Variants in ITGB3BP observed in about 807,000 individuals in gnomAD.
ITGB3BP encodes integrin subunit beta 3 binding protein, also known as centromere protein R.
ITGB3BP carries 27 observed loss-of-function variants against 29.1 expected under a neutral mutation model. That is an observed-to-expected ratio of 0.93 (90% CI 0.68 to 1.28). The LOEUF (loss-of-function observed/expected upper bound fraction) is 1.28. ITGB3BP is among the 50% of genes most tolerant of loss of function. The pLI, the probability that ITGB3BP is intolerant of heterozygous loss-of-function variation, is 0.00. For missense variants in ITGB3BP, 192 were observed against 200.2 expected (o/e 0.96, Z 0.25); for synonymous variants, 61 against 61.4 (o/e 0.99, Z 0.03).
intron 4 of ITGB3BP, among the ~76,000 whole-genome samples, chr1:63,478,240 G>C (rs1375986013): frequency 1.3e-5 from 2 of 152,160 alleles, no homozygotes; most frequent in African/African-American, 4.8e-5. Context: ...CACAGACATG[G>C]AGAGCCATCT....
intron 4 of ITGB3BP, among the ~76,000 whole-genome samples, chr1:63,472,928 G>T (rs1308513439): frequency 1.3e-5 from 2 of 151,300 alleles, no homozygotes; most frequent in Non-Finnish European, 3.0e-5. Context: ...GTCTCTGCCT[G>T]GCCGCCCATC....
chr1:63,461,678 T>C (rs1219127446), intron 4 of ITGB3BP, among the ~76,000 whole-genome samples: 2 of 152,218 alleles, frequency 1.3e-5, no homozygotes, highest in Non-Finnish European at 1.5e-5. Context: ...CTTCATTCTT[T>C]TTTGTAAGGA....
chr1:63,445,128 TACAA>T (rs898470753), intron 8 of ITGB3BP, among the ~76,000 whole-genome samples: 14 of 151,842 alleles, frequency 9.2e-5, no homozygotes, highest in Middle Eastern at 3.4e-3. Context: ...CTAATAAAAA[TACAA>T]ACAATCAGCC....
intron 3 of ITGB3BP, among the ~76,000 whole-genome samples, chr1:63,479,476 C>T (rs920526903): frequency 4.6e-5 from 7 of 152,100 alleles, no homozygotes; most frequent in Non-Finnish European, 1.0e-4. Context: ...AGTCTACTCT[C>T]TCAGCAATTT....
At chr1:63,512,387 T>C (rs908539832) in intron 1 of ITGB3BP, among the ~76,000 whole-genome samples, 9 of 152,054 alleles carry the variant, frequency 5.9e-5, no homozygotes, top group Non-Finnish European at 1.3e-4. Context: ...AGTTACAGTA[T>C]TAAAGAAATT....
intron 4 of ITGB3BP, among the ~76,000 whole-genome samples, chr1:63,472,835 C>T (rs1181893479): frequency 6.6e-6 from 1 of 151,992 alleles, no homozygotes; most frequent in Non-Finnish European, 1.5e-5. Context: ...CAACCTCCAC[C>T]TCCCAGCCGC....
chr1:63,516,296 C>CAA (rs57797064), intron 1 of ITGB3BP, among the ~76,000 whole-genome samples: 3 of 24,760 alleles, frequency 1.2e-4, no homozygotes, highest in Non-Finnish European at 6.6e-5. Flanking sequence ...GACCATGTCT[C>CAA]AAAAAAAAAA....
At chr1:63,467,175 T>C (rs928445182) in intron 4 of ITGB3BP, among the ~76,000 whole-genome samples, 3 of 152,130 alleles carry the variant, frequency 2.0e-5, no homozygotes, top group Non-Finnish European at 2.9e-5. Flanking sequence ...GTGATGGATA[T>C]TGACTATTCA....
Position 63,472,356 on chromosome 1 carries a change from T to C in ITGB3BP, c.254+6408A>G, listed in dbSNP as rs1645213232. Among the ~76,000 whole-genome samples the C allele has an allele frequency of 2.2e-5, 3 of 134,888 alleles. No homozygotes were observed. In the South Asian group the frequency reaches 8.0e-4, roughly 36 times the overall value. 88.5% of individuals were successfully genotyped at this position (134,888 alleles called of 152,430 possible). On this transcript the variant is annotated intron_variant, in intron 4 of 8. Transcript: ENST00000271002. ...TCTCTGGTATCTCTCCTAGCTATGATATTTTTGCAAAAAAAAAAAAAAAGA... is the reference window on the plus strand; with the variant it reads ...TCTCTGGTATCTCTCCTAGCTATGACATTTTTGCAAAAAAAAAAAAAAAGA...
chr1:63,468,862 AAAAT>A (rs71045901), intron 4 of ITGB3BP, among the ~76,000 whole-genome samples: 25,838 of 139,144 alleles, frequency 0.19, 2,657 homozygotes, highest in East Asian at 0.33. Context: ...ACTCTGTCTC[AAAAT>A]AAATAAATAA....
intron 4 of ITGB3BP, among the ~76,000 whole-genome samples, chr1:63,461,091 A>G (rs952974931): frequency 2.7e-5 from 4 of 150,934 alleles, no homozygotes; most frequent in African/African-American, 9.7e-5. Flanking sequence ...TACAAAAAAA[A>G]AAAAAAAAAA....
intron 4 of ITGB3BP, among the ~76,000 whole-genome samples, chr1:63,478,274 C>T (rs908071935): frequency 3.9e-5 from 6 of 152,180 alleles, no homozygotes; most frequent in African/African-American, 1.4e-4. Flanking sequence ...ATTTTTCCTA[C>T]GTAGACTTTC....
intron 2 of ITGB3BP, among the ~76,000 whole-genome samples, chr1:63,508,286 G>A (rs1646123964): frequency 6.6e-6 from 1 of 151,910 alleles, no homozygotes; most frequent in African/African-American, 2.4e-5. Context: ...TTTCATTAAG[G>A]TTTTTAAATA....
chr1:63,475,118 G>C (rs1645312457), intron 4 of ITGB3BP, among the ~76,000 whole-genome samples: 1 of 151,976 alleles, frequency 6.6e-6, no homozygotes, highest in Non-Finnish European at 1.5e-5. Context: ...GGGATCACAG[G>C]TGTGCACAAC....
chr1:63,472,376 A>G (rs558652671), intron 4 of ITGB3BP, among the ~76,000 whole-genome samples: 2 of 151,330 alleles, frequency 1.3e-5, no homozygotes, highest in South Asian at 2.1e-4. Context: ...AAAAAAAAAA[A>G]AAAGAATATT....
chr1:63,452,646 T>A (rs200262126), intron 7 of ITGB3BP, among the ~76,000 whole-genome samples: 3 of 95,638 alleles, frequency 3.1e-5, no homozygotes, highest in African/African-American at 8.8e-5. Flanking sequence ...TTTTTTTTTT[T>A]TAAAAGATCC....
chr1:63,523,653 T>C (rs1200171422), upstream of ITGB3BP: 1 of 178,748 alleles, frequency 5.6e-6, no homozygotes, highest in East Asian at 1.5e-4. Context: ...CAGCTCGCTG[T>C]CTCTGTCTCT....
intron 4 of ITGB3BP, among the ~76,000 whole-genome samples, chr1:63,456,950 A>G (rs1265082627): frequency 6.6e-6 from 1 of 152,212 alleles, no homozygotes; most frequent in East Asian, 1.9e-4. Context: ...TATGGATTAA[A>G]TATCAATTAT....
intron 2 of ITGB3BP, among the ~76,000 whole-genome samples, chr1:63,505,798 T>C (rs1458569469): frequency 6.6e-6 from 1 of 152,224 alleles, no homozygotes; most frequent in Non-Finnish European, 1.5e-5. Context: ...GAGCAGGTTG[T>C]TCAGTTTCCA....
Sources: gnomAD v4.1 joint callset for allele counts (sites outside exome capture counted in the v4.1 genomes callset) on GRCh38, gnomAD v4.1.1 for gene constraint, MANE v1.5 for transcripts, NCBI Gene and HGNC (gene_info 2026-07-23, HGNC 2026-07-21) for gene names.